The following HMGA2 variants were observed in gnomAD, a reference collection of about 807,000 sequenced individuals.
The protein encoded by HMGA2 is high mobility group protein HMGI-C.
Under a neutral mutation model 19.1 loss-of-function variants are expected in HMGA2, and 8 were observed. The observed-to-expected ratio is 0.42, with a 90% CI of 0.25 to 0.76. HMGA2 has a LOEUF of 0.76. Ranked by LOEUF, HMGA2 falls within the 30% of genes least tolerant of loss-of-function variation. The pLI is 0.28. For missense variants in HMGA2, 109 were observed against 136.3 expected, an observed-to-expected ratio of 0.80 and a Z score of 1.00; for synonymous variants, 60 against 48.8, an observed-to-expected ratio of 1.23 and a Z score of -0.96.
intron 3 of HMGA2, among the ~76,000 whole-genome samples, chr12:65,947,985 CT>C (rs1445300364): frequency 6.6e-6 from 1 of 152,058 alleles, no homozygotes; most frequent in Non-Finnish European, 1.5e-5. Context: ...TGACTTTTTT[CT>C]TTTTTCTTTT....
intron 4 of HMGA2, chr12:65,954,326 T>G (rs898774904): frequency 6.6e-6 from 1 of 152,236 alleles, no homozygotes. Context: ...AGTGTTTTCA[T>G]TGAATGTTTT....
chr12:65,915,618 T>G, intron 3 of HMGA2: 2 of 930,160 alleles, frequency 2.2e-6, no homozygotes, highest in South Asian at 9.0e-5. Flanking sequence ...TTATCCTCTG[T>G]GCAGTTTGTC....
intron 3 of HMGA2, among the ~76,000 whole-genome samples, chr12:65,890,202 C>T (rs1269215619): frequency 2.6e-5 from 4 of 152,140 alleles, no homozygotes; most frequent in Non-Finnish European, 5.9e-5. Flanking sequence ...TAAGTATAGT[C>T]ATTTAAATAG....
At chr12:65,912,347 A>T (rs1000702296) in intron 3 of HMGA2, among the ~76,000 whole-genome samples, 11 of 152,190 alleles carry the variant, frequency 7.2e-5, no homozygotes, top group Non-Finnish European at 4.4e-5. Context: ...GTGTGACCTC[A>T]TCTATTTTAA....
intron 3 of HMGA2, among the ~76,000 whole-genome samples, chr12:65,903,551 G>A (rs548327887): frequency 2.6e-5 from 4 of 152,170 alleles, no homozygotes; most frequent in East Asian, 1.9e-4. Context: ...GGAGGTGGGG[G>A]CAGAGCAAGG....
intron 3 of HMGA2, among the ~76,000 whole-genome samples, chr12:65,949,203 A>C (rs1233967477): frequency 1.3e-5 from 2 of 152,112 alleles, no homozygotes; most frequent in African/African-American, 4.8e-5. Flanking sequence ...ACTGTGATTT[A>C]AAGTCAAATG....
At position 65,960,845 on chromosome 12, in the gene HMGA2, T is replaced by A. The variant is rs551343308; in HGVS notation, c.283-2400T>A. On this transcript the variant is annotated intron_variant, in intron 4 of 4. Coordinates refer to ENST00000403681, the MANE Select transcript of HMGA2 (RefSeq NM_003483.6). ...CTTAAGGACAGTTAAGGAAACAATA[T>A]GACCTACCACCATTTTCATCTGAAT... Among the ~76,000 whole-genome samples the A allele has an allele frequency of 2.8e-4, 43 of 152,356 alleles. 1 individual carries two copies. The highest frequency in any genetic ancestry group is 9.6e-4 in the African/African-American group (40 of 41,582).
At chr12:65,843,729 T>C (rs1250322967) in intron 3 of HMGA2, among the ~76,000 whole-genome samples, 1 of 151,666 alleles carries the variant, frequency 6.6e-6, no homozygotes, top group East Asian at 1.9e-4. Context: ...ACAAAAACTT[T>C]TAGCTGTTTG....
intron 2 of HMGA2, among the ~76,000 whole-genome samples, chr12:65,829,726 G>T (rs1311070485): frequency 6.6e-6 from 1 of 151,818 alleles, no homozygotes; most frequent in Admixed American, 6.6e-5. Context: ...CATGTTTTTT[G>T]GATGAATAGA....
At chr12:65,849,736 A>AT (rs34541445) in intron 3 of HMGA2, among the ~76,000 whole-genome samples, 6,194 of 84,976 alleles carry the variant, frequency 0.073, 371 homozygotes, top group Non-Finnish European at 0.09. Context: ...TAGGCTCTGT[A>AT]TTTTTTTTTT....
Position 65,964,793 on chromosome 12 carries a change from T to A in HMGA2, c.*1501T>A. The A allele has an allele frequency of 1.0e-5, 2 of 195,000 alleles. No homozygotes were observed. Among genetic ancestry groups the A allele is most frequent in the East Asian group, 1.6e-4 (2 of 12,336 alleles). 12.1% of individuals were successfully genotyped at this position (195,000 alleles called of 1,614,324 possible). On this transcript the variant is annotated 3_prime_UTR_variant, in exon 5 of 5. Coordinates refer to ENST00000403681, the MANE Select transcript of HMGA2 (RefSeq NM_003483.6). ...TCAGCTTCTCTGCTAGATTTCTACATTAACTTGAAAATTTTTTAACCAAGT... is the reference window on the plus strand; with the variant it reads ...TCAGCTTCTCTGCTAGATTTCTACAATAACTTGAAAATTTTTTAACCAAGT...
At chr12:65,838,463 G>A in intron 2 of HMGA2, 56 bp from the exon 3 acceptor site, 1 of 1,287,608 alleles carries the variant, frequency 7.8e-7, no homozygotes, top group South Asian at 1.2e-5. Flanking sequence ...CCTTGGTGCA[G>A]TACTTATAAA....
rs60786450 is a variant in HMGA2, at chr12:65,824,713, TTCTCTCTCTCTCTCTCTCTCTCTC to T, written c.-525_-502del. The T allele has an allele frequency of 4.1e-3, 602 of 145,134 alleles. 4 individuals are homozygous for T. Among genetic ancestry groups the T allele is most frequent in the African/African-American group, 0.016 (483 of 29,318 alleles). 9.0% of individuals were successfully genotyped at this position (145,134 alleles called of 1,614,324 possible). On this transcript the variant is annotated 5_prime_UTR_variant, in exon 1 of 5. Transcript: ENST00000403681. ...CCAAGGCACTTTCAATCTCAATCTCTTCTCTCTCTCTCTCTCTCTCTCTCTCTCTCTCTCTCTCTCTCTCTCTCT... is the reference window on the plus strand; with the variant it reads ...CCAAGGCACTTTCAATCTCAATCTCTTCTCTCTCTCTCTCTCTCTCTCTCT...
chr12:65,895,835 T>C (rs1046325722), intron 3 of HMGA2, among the ~76,000 whole-genome samples: 12 of 152,352 alleles, frequency 7.9e-5, no homozygotes, highest in African/African-American at 2.9e-4. Flanking sequence ...GGACAGCTAG[T>C]ACACTCGATT....
At chr12:65,855,553 T>C (rs1871696441) in intron 3 of HMGA2, among the ~76,000 whole-genome samples, 1 of 151,932 alleles carries the variant, frequency 6.6e-6, no homozygotes, top group Admixed American at 6.6e-5. Context: ...CCAGGCTAAA[T>C]GTCTCAGGCC....
At chr12:65,866,542 A>G (rs1225319021) in intron 3 of HMGA2, among the ~76,000 whole-genome samples, 1 of 152,162 alleles carries the variant, frequency 6.6e-6, no homozygotes, top group African/African-American at 2.4e-5. Flanking sequence ...CTCGGTTATG[A>G]GTGTGACAAG....
intron 3 of HMGA2, among the ~76,000 whole-genome samples, chr12:65,924,062 C>G (rs1230352705): frequency 6.6e-6 from 1 of 151,938 alleles, no homozygotes; most frequent in African/African-American, 2.4e-5. Flanking sequence ...GAAAGTCATT[C>G]TCTGACCCAC....
Position 65,869,202 on chromosome 12 carries a change from T to C in HMGA2, c.249+30633T>C, listed in dbSNP as rs1347180208. Among the ~76,000 whole-genome samples the C allele has an allele frequency of 2.0e-5, 3 of 152,290 alleles. No individual in the cohort carries two copies. The East Asian group carries it at 5.8e-4, about 29-fold the overall frequency. On this transcript the variant is annotated intron_variant, in intron 3 of 4. Coordinates refer to ENST00000403681, the MANE Select transcript of HMGA2 (RefSeq NM_003483.6). ...TTAGTTCGAGTATTTATCATTTAAATTAGGAAATTACCATCACCATCATCA... is the reference window on the plus strand; with the variant it reads ...TTAGTTCGAGTATTTATCATTTAAACTAGGAAATTACCATCACCATCATCA...
At chr12:65,865,285 T>C (rs1413806412) in intron 3 of HMGA2, among the ~76,000 whole-genome samples, 1 of 152,226 alleles carries the variant, frequency 6.6e-6, no homozygotes, top group Non-Finnish European at 1.5e-5. Flanking sequence ...CGTGGATTTT[T>C]GTTGGATTTC....
Sources: allele counts gnomAD v4.1 joint callset (sites outside exome capture counted in the v4.1 genomes callset), GRCh38; gene constraint gnomAD v4.1.1; transcripts MANE v1.5; gene names NCBI Gene and HGNC (gene_info 2026-07-23, HGNC 2026-07-21).